LETM1: variants seen among roughly 807,000 people sequenced by gnomAD.
LETM1 encodes leucine zipper and EF-hand containing transmembrane protein 1.
In LETM1, 50 loss-of-function variants were observed where a neutral mutation model predicts 74.5. The ratio of observed to expected loss-of-function variants is 0.67; its 90% CI spans 0.53 to 0.85. LETM1 has a LOEUF of 0.85. Ranked by LOEUF, LETM1 falls within the 40% of genes least tolerant of loss-of-function variation. The probability of loss-of-function intolerance (pLI) is 0.00; values close to 1 mark genes in which losing one functional copy is unlikely to be tolerated. For missense variants in LETM1, 824 were observed against 967.8 expected, an observed-to-expected ratio of 0.85 and a Z score of 1.97; for synonymous variants, 446 against 407.1, an observed-to-expected ratio of 1.10 and a Z score of -1.15.
chr4:1,829,126 G>A (rs1712155424), intron 6 of LETM1, among the ~76,000 whole-genome samples: 2 of 120,134 alleles, frequency 1.7e-5, no homozygotes, highest in Non-Finnish European at 3.4e-5. Context: ...GGGCAGAGGC[G>A]CCCCTCACCT....
chr4:1,823,120 T>G lies in LETM1; in HGVS notation c.1344A>C (p.Ala448=). Residue 448 remains alanine (A), a synonymous_variant, in exon 9 of 14, where the codon GCA becomes GCC. Transcript: ENST00000302787. ...QTLPEIVAKE[A]QVKVAEVEGE... ...CCTCCACCTCGGCCACTTTCACCTGTGCTTCCTTTGCCTTCAGAAGAGGGT... is the reference window on the plus strand; with the variant it reads ...CCTCCACCTCGGCCACTTTCACCTGGGCTTCCTTTGCCTTCAGAAGAGGGT... The G allele has an allele frequency of 6.3e-7, 1 of 1,594,982 alleles. No individual in the cohort carries two copies. The highest frequency in any genetic ancestry group is 8.6e-7 in the Non-Finnish European group (1 of 1,169,382).
intron 10 of LETM1, among the ~76,000 whole-genome samples, chr4:1,819,710 A>C (rs534069812): frequency 2.0e-4 from 31 of 152,318 alleles, no homozygotes; most frequent in African/African-American, 7.2e-4. Flanking sequence ...GTCATCTATG[A>C]ATTGACACGT....
rs1439887334 is a variant in LETM1 at position 1,815,765 on chromosome 4, T to A, written c.1969A>T (p.Met657Leu). ...TCGGGAATGTGCTTGACTTGCTTCA[T>A]GGCGTTGATGAGCTCAGCGACACTG... Reference protein sequence around the residue: ...VISVAELINAMKQVKHIPESK... With the variant: ...VISVAELINALKQVKHIPESK... The change falls in exon 13 of 14, where the codon ATG becomes TTG. Residue 657 changes from methionine to leucine, a missense_variant. Coordinates refer to ENST00000302787, the MANE Select transcript of LETM1 (RefSeq NM_012318.3). The A allele has an allele frequency of 6.2e-7, 1 of 1,614,212 alleles. No individual in the cohort carries two copies. The highest frequency in any genetic ancestry group is 8.5e-7 in the Non-Finnish European group (1 of 1,180,016).
Position 1,823,741 on chromosome 4 carries a change from G to A in LETM1, c.1235C>T (p.Thr412Ile). Residue 412 changes from threonine to isoleucine, a missense_variant, in exon 8 of 14, where the codon ACA (threonine) becomes ATA (isoleucine). Thr to Ile is a moderately conservative substitution (Grantham distance 89, BLOSUM62 -1). Coordinates refer to ENST00000302787, the MANE Select transcript of LETM1 (RefSeq NM_012318.3). ...LDLHLHQEIP[T>I]SLLILSRAMY... The stretch of plus-strand genomic sequence containing the variant: ...GGCCCGGGACAGGATGAGCAGCGAT[G>A]TGGGGATCTCCTGATGCAGGTGCAG... 1.9e-6 allele frequency: 3 copies of A among 1,613,628 alleles called. No homozygotes were observed. Among genetic ancestry groups the A allele is most frequent in the Non-Finnish European group, 2.5e-6 (3 of 1,179,804 alleles).
intron 6 of LETM1, among the ~76,000 whole-genome samples, chr4:1,828,755 C>G (rs542993505): frequency 7.5e-6 from 1 of 133,626 alleles, no homozygotes; most frequent in African/African-American, 2.9e-5. Flanking sequence ...CCAGCAGGGG[C>G]GGCCGGGCAG....
intron 6 of LETM1, among the ~76,000 whole-genome samples, chr4:1,829,022 C>T (rs1306222035): frequency 9.9e-5 from 10 of 101,042 alleles, no homozygotes; most frequent in South Asian, 7.1e-4. Context: ...CCGGACGGGG[C>T]GGCTGGCCGG....
chr4:1,823,874 GAC>G, intron 7 of LETM1, 99 bp from the exon 8 acceptor site: 1 of 1,340,066 alleles, frequency 7.5e-7, no homozygotes, highest in Middle Eastern at 1.9e-4. Context: ...TCTCAGAGAA[GAC>G]AGTGTCTCAA....
chr4:1,833,690 G>A (rs746477082), intron 5 of LETM1: 2 of 152,396 alleles, frequency 1.3e-5, no homozygotes, highest in Non-Finnish European at 2.9e-5. Context: ...TGAGGGACAA[G>A]CCACCAGCTC....
intron 6 of LETM1, among the ~76,000 whole-genome samples, chr4:1,830,651 T>A (rs1712234141): frequency 6.6e-6 from 1 of 152,134 alleles, no homozygotes; most frequent in Non-Finnish European, 1.5e-5. Flanking sequence ...CTTCTCGCAA[T>A]ATCTTTTAAT....
At chr4:1,842,799 C>G (rs1213872936) in intron 2 of LETM1, among the ~76,000 whole-genome samples, 1 of 152,254 alleles carries the variant, frequency 6.6e-6, no homozygotes, top group African/African-American at 2.4e-5. Context: ...ATAGACCATG[C>G]CTGGCCCAGA....
chr4:1,822,367 C>G, intron 9 of LETM1, 55 bp from the exon 10 acceptor site: 1 of 1,391,088 alleles, frequency 7.2e-7, no homozygotes, highest in Non-Finnish European at 9.5e-7. Flanking sequence ...AAGCAGTCTT[C>G]TTGCTCCCCG....
rs1390249726 is a variant in LETM1, at chr4:1,832,764, A to C, written c.1060T>G (p.Ser354Ala). 6.2e-7 allele frequency: 1 copy of C among 1,614,146 alleles called. No homozygotes were observed. Among genetic ancestry groups the C allele is most frequent in the Non-Finnish European group, 8.5e-7 (1 of 1,180,036 alleles). Residue 354 changes from serine (S) to alanine (A), a missense_variant, in exon 6 of 14, where the codon TCC becomes GCC. Physicochemically the swap from Ser to Ala is moderately conservative, Grantham distance 99. Around this residue, in one of 4 missense-constraint regions of LETM1, gnomAD observed 269 missense variants for 348.8 expected, o/e 0.77. Coordinates refer to ENST00000302787, the MANE Select transcript of LETM1 (RefSeq NM_012318.3). ...LRFQLTMRLR[S>A]IKADDKLIAE... ...CTCACCTTGTCGTCTGCCTTTATGG[A>C]GCGCAGCCGCATGGTAAGCTGGAAG...
At chr4:1,822,861 G>C in intron 9 of LETM1, 127 bp downstream of exon 9, 5 of 994,172 alleles carry the variant, frequency 5.0e-6, no homozygotes, top group East Asian at 3.3e-5. Context: ...ACTCCAGGAG[G>C]AAATAAACAT....
Position 1,841,799 on chromosome 4 carries a change from T to C in LETM1, c.144-2A>G. 6.2e-7 allele frequency: 1 copy of C among 1,606,354 alleles called. No homozygotes were observed. Among genetic ancestry groups the C allele is most frequent in the Non-Finnish European group, 8.5e-7 (1 of 1,176,140 alleles). ...GTGCAGCAGCCAAATGGAACATTCC[T>C]TGAAAAGGGAAGAGTGGAAAACAGT... On this transcript the variant is annotated splice_acceptor_variant, in intron 2 of 13. Transcript: ENST00000302787. LOFTEE classifies it high-confidence loss of function.
At chr4:1,823,594 G>C (rs371315413) in intron 8 of LETM1, 50 bp downstream of exon 8, 6 of 1,607,562 alleles carry the variant, frequency 3.7e-6, no homozygotes, top group Non-Finnish European at 5.1e-6. Context: ...CCAGAAGAGC[G>C]GAGCCACCTA....
At chr4:1,819,542 GC>G in intron 10 of LETM1, 70 bp from the exon 11 acceptor site, 1 of 1,529,728 alleles carries the variant, frequency 6.5e-7, no homozygotes. Flanking sequence ...CAAGTGACCA[GC>G]TGCTCTGTTC....
At position 1,836,877 on chromosome 4, in the gene LETM1, G is replaced by A. The variant is rs1712478659; in HGVS notation, c.595-305C>T. On this transcript the variant is annotated intron_variant, in intron 3 of 13. Coordinates refer to ENST00000302787, the MANE Select transcript of LETM1 (RefSeq NM_012318.3). The surrounding 1 kb of genome is among the most constrained non-coding windows in gnomAD (Gnocchi z 5.8). ...CACCGGCCAGCACTCTGGGCTCGGGGGCCAGCAAGTGAGGGCTGCAGGCTG... is the reference window on the plus strand; with the variant it reads ...CACCGGCCAGCACTCTGGGCTCGGGAGCCAGCAAGTGAGGGCTGCAGGCTG... Among the ~76,000 whole-genome samples, 1 of 152,122 alleles carries A rather than the reference G, an allele frequency of 6.6e-6. No individual in the cohort carries two copies. Among genetic ancestry groups the A allele is most frequent in the Non-Finnish European group, 1.5e-5 (1 of 68,026 alleles).
Position 1,836,415 on chromosome 4 carries a change from G to T in LETM1, c.738+14C>A, listed in dbSNP as rs1209583776. 6.2e-7 allele frequency: 1 copy of T among 1,613,504 alleles called. No homozygotes were observed. The highest frequency in any genetic ancestry group is 1.7e-5 in the Admixed American group (1 of 59,956). Reference sequence around the variant, plus strand: ...GACTCATTCTAAAACAAGCAGTTGGGATGCTGCCCTTACCTTGAGTGACTG... The same window carrying T: ...GACTCATTCTAAAACAAGCAGTTGGTATGCTGCCCTTACCTTGAGTGACTG... On this transcript the variant is annotated intron_variant, in intron 4 of 13. Transcript: ENST00000302787. This position sits in a 1 kb window ranked among gnomAD's most constrained non-coding sequence, Gnocchi z 5.8.
At chr4:1,817,877 C>G (rs1404427204) in intron 11 of LETM1, among the ~76,000 whole-genome samples, 1 of 152,102 alleles carries the variant, frequency 6.6e-6, no homozygotes, top group African/African-American at 2.4e-5. Flanking sequence ...CCTCCCACTC[C>G]CAAGCAATCC....
Sources: gnomAD v4.1 joint callset for allele counts (sites outside exome capture counted in the v4.1 genomes callset) on GRCh38, gnomAD v4.1.1 for gene constraint, gnomAD v4.1.1 regional missense constraint, Gnocchi (gnomAD v3.1) non-coding constraint, MANE v1.5 for transcripts, NCBI Gene and HGNC (gene_info 2026-07-23, HGNC 2026-07-21) for gene names.